Variants in CYP19A1 observed in about 807,000 individuals in gnomAD.
CYP19A1 encodes aromatase.
Under a neutral mutation model 44.4 loss-of-function variants are expected in CYP19A1, and 32 were observed. The observed-to-expected ratio is 0.72, with a 90% CI of 0.54 to 0.97. The LOEUF is 0.97. Ranked by LOEUF, CYP19A1 falls within the 50% of genes least tolerant of loss-of-function variation. CYP19A1 has a pLI of 0.00. For missense variants in CYP19A1, 598 were observed against 637.8 expected, an observed-to-expected ratio of 0.94 and a Z score of 0.67; for synonymous variants, 212 against 215.6, an observed-to-expected ratio of 0.98 and a Z score of 0.14.
intron 1 of CYP19A1, among the ~76,000 whole-genome samples, chr15:51,333,922 T>C (rs771443723): frequency 1.1e-4 from 17 of 152,224 alleles, no homozygotes; most frequent in Non-Finnish European, 2.1e-4. Context: ...AATTCACTTT[T>C]TTTTTAGGAC....
At chr15:51,282,054 C>A (rs1417266867) in intron 1 of CYP19A1, among the ~76,000 whole-genome samples, 2 of 152,180 alleles carry the variant, frequency 1.3e-5, no homozygotes, top group African/African-American at 4.8e-5. Context: ...TCTCTGAATT[C>A]TGAAAAATCC....
chr15:51,269,553 C>T (rs866068718), intron 1 of CYP19A1, among the ~76,000 whole-genome samples: 1 of 151,984 alleles, frequency 6.6e-6, no homozygotes, highest in South Asian at 2.1e-4. Flanking sequence ...CTTAAAACAA[C>T]AACAACTACC....
At chr15:51,287,237 A>T (rs2035725359) in intron 1 of CYP19A1, among the ~76,000 whole-genome samples, 1 of 152,206 alleles carries the variant, frequency 6.6e-6, no homozygotes, top group Non-Finnish European at 1.5e-5. Context: ...GCCCAGTCAA[A>T]ACAGTGGAAA....
chr15:51,333,258 G>T (rs745655650), intron 1 of CYP19A1, among the ~76,000 whole-genome samples: 1 of 152,184 alleles, frequency 6.6e-6, no homozygotes, highest in Non-Finnish European at 1.5e-5. Flanking sequence ...AGCAGCTGAG[G>T]TGCCTTCTCA....
chr15:51,236,312 T>G (rs1385781122), intron 3 of CYP19A1, among the ~76,000 whole-genome samples: 1 of 152,224 alleles, frequency 6.6e-6, no homozygotes, highest in African/African-American at 2.4e-5. Context: ...TTAGAGGTGC[T>G]CAGTTGCTTG....
At chr15:51,236,119 AT>A (rs1208313744) in intron 3 of CYP19A1, among the ~76,000 whole-genome samples, 1 of 152,190 alleles carries the variant, frequency 6.6e-6, no homozygotes, top group Non-Finnish European at 1.5e-5. Flanking sequence ...GGAGGACACT[AT>A]TTTTTTAAAT....
At chr15:51,299,348 C>G (rs1160769999) in intron 1 of CYP19A1, among the ~76,000 whole-genome samples, 3 of 152,238 alleles carry the variant, frequency 2.0e-5, no homozygotes, top group African/African-American at 7.2e-5. Context: ...GCTGCTGACC[C>G]CAAAGGTGAA....
At chr15:51,336,622 C>T (rs989950230) in intron 1 of CYP19A1, among the ~76,000 whole-genome samples, 1 of 152,196 alleles carries the variant, frequency 6.6e-6, no homozygotes, top group Non-Finnish European at 1.5e-5. Context: ...ATTTACTTCA[C>T]AATCAGGAAG....
intron 1 of CYP19A1, among the ~76,000 whole-genome samples, chr15:51,275,334 T>C (rs2035269369): frequency 1.3e-5 from 2 of 152,228 alleles, no homozygotes; most frequent in Admixed American, 1.3e-4. Flanking sequence ...AACCAGTGGT[T>C]AAGGAGTCTC....
chr15:51,287,351 C>A (rs955105626), intron 1 of CYP19A1, among the ~76,000 whole-genome samples: 1 of 152,168 alleles, frequency 6.6e-6, no homozygotes, highest in Non-Finnish European at 1.5e-5. Context: ...GCATTACTAA[C>A]GCAATGCGAA....
At chr15:51,260,182 G>T (rs1595731313) in intron 1 of CYP19A1, among the ~76,000 whole-genome samples, 1 of 152,224 alleles carries the variant, frequency 6.6e-6, no homozygotes, top group African/African-American at 2.4e-5. Context: ...CATGCTCTAG[G>T]TGATGATATA....
chr15:51,260,518 T>C (rs567472302), intron 1 of CYP19A1, among the ~76,000 whole-genome samples: 1 of 152,318 alleles, frequency 6.6e-6, no homozygotes, highest in African/African-American at 2.4e-5. Context: ...TTGAGTCATT[T>C]AGAAGTCAGA....
chr15:51,251,378 C>T (rs1166314581), intron 1 of CYP19A1, among the ~76,000 whole-genome samples: 4 of 152,184 alleles, frequency 2.6e-5, no homozygotes, highest in African/African-American at 9.7e-5. Flanking sequence ...TGTCACACTG[C>T]GGTCCCAAGT....
intron 3 of CYP19A1, 107 bp from the exon 4 acceptor site, chr15:51,228,040 A>G: frequency 1.3e-6 from 1 of 764,178 alleles, no homozygotes; most frequent in Non-Finnish European, 2.4e-6. Flanking sequence ...GTTGCTCCAA[A>G]TGCAATGTGC....
intron 1 of CYP19A1, among the ~76,000 whole-genome samples, chr15:51,266,208 C>T (rs1442996603): frequency 6.6e-6 from 1 of 152,236 alleles, no homozygotes; most frequent in East Asian, 1.9e-4. Context: ...AGGATGTGTG[C>T]CTACAAATCA....
At chr15:51,323,298 G>A (rs1408393638) in intron 1 of CYP19A1, among the ~76,000 whole-genome samples, 1 of 152,104 alleles carries the variant, frequency 6.6e-6, no homozygotes, top group African/African-American at 2.4e-5. Context: ...TCTCAGGTAG[G>A]GAGTAGCCAC....
intron 1 of CYP19A1, among the ~76,000 whole-genome samples, chr15:51,300,851 G>T (rs544903290): frequency 2.0e-5 from 3 of 152,270 alleles, no homozygotes; most frequent in African/African-American, 4.8e-5. Context: ...AAAGAAAATT[G>T]TAACCCACAG....
intron 1 of CYP19A1, among the ~76,000 whole-genome samples, chr15:51,336,228 C>A (rs550806689): frequency 6.6e-6 from 1 of 152,328 alleles, no homozygotes; most frequent in South Asian, 2.1e-4. Context: ...TCTGTCTCCC[C>A]ACTCCAGGCT....
At chr15:51,254,989 C>T (rs2034461787) in intron 1 of CYP19A1, among the ~76,000 whole-genome samples, 1 of 152,090 alleles carries the variant, frequency 6.6e-6, no homozygotes, top group African/African-American at 2.4e-5. Flanking sequence ...TCGAAGGGAG[C>T]TGTGGGGTCC....
Sources: gnomAD v4.1 joint callset for allele counts (sites outside exome capture counted in the v4.1 genomes callset) on GRCh38, gnomAD v4.1.1 for gene constraint, MANE v1.5 for transcripts, NCBI Gene and HGNC (gene_info 2026-07-23, HGNC 2026-07-21) for gene names.